SYNE1: variants seen among roughly 807,000 people sequenced by gnomAD.
SYNE1 encodes the protein nesprin-1.
SYNE1 carries 616 observed loss-of-function variants against 1,111.0 expected under a neutral mutation model. That is an observed-to-expected ratio of 0.55 (90% CI 0.52 to 0.59). The LOEUF (loss-of-function observed/expected upper bound fraction) is 0.59. Ranked by LOEUF, SYNE1 falls within the 20% of genes least tolerant of loss-of-function variation. The pLI, the probability that SYNE1 is intolerant of heterozygous loss-of-function variation, is 0.00. For synonymous variants in SYNE1, 3,855 were observed against 3,825.8 expected (o/e 1.01, Z -0.28); for missense variants, 10,006 against 10,417.0 (o/e 0.96, Z 1.72).
At position 152,141,218 on chromosome 6, in the gene SYNE1, C is replaced by T. The variant is rs371211999; in HGVS notation, c.25231G>A (p.Glu8411Lys). 6.8e-6 allele frequency: 11 copies of T among 1,613,258 alleles called. No individual in the cohort carries two copies. The highest frequency in any genetic ancestry group is 6.6e-5 in the South Asian group (6 of 91,078). ...ACGCACTCACCAGCCGTTTGGGTTT[C>T]GGTACTATGCAGGTTAACAAAGCCA... ...LPGFVNLHST[E>K]TQTAGVIDRW... The change falls in exon 139 of 146, where the codon GAA (glutamate) becomes AAA (lysine). Residue 8411 changes from glutamate (E) to lysine (K), a missense_variant. By Grantham distance (56) the Glu-to-Lys change is moderately conservative. This residue lies in a region of SYNE1 where 761 missense variants were observed against 795.5 expected (regional missense o/e 0.96). Transcript: ENST00000367255.
chr6:152,147,697 T>C (rs1488176128), intron 137 of SYNE1: 1 of 314,014 alleles, frequency 3.2e-6, no homozygotes, highest in Admixed American at 4.7e-5. Context: ...CCCCTGCTTG[T>C]GTGTCCTGCC....
intron 144 of SYNE1, among the ~76,000 whole-genome samples, chr6:152,131,869 A>G (rs1445355717): frequency 6.6e-6 from 1 of 152,230 alleles, no homozygotes; most frequent in Non-Finnish European, 1.5e-5. Flanking sequence ...TATTTGAGCA[A>G]GAAAAATAAA....
In SYNE1 at chr6:152,149,677, T is replaced by A. The variant is rs764491627; in HGVS notation, c.24451-9A>T. ...ATTTCCTGCTGGAAGGCCTAGGGAG[T>A]ACAAATCTCATGTGATTTTGCTATT... On this transcript the variant is annotated splice_polypyrimidine_tract_variant and intron_variant, in intron 135 of 145. Coordinates refer to ENST00000367255, the MANE Select transcript of SYNE1 (RefSeq NM_182961.4). The A allele has an allele frequency of 6.2e-7, 1 of 1,612,530 alleles. No individual in the cohort carries two copies. Among genetic ancestry groups the A allele is most frequent in the South Asian group, 1.1e-5 (1 of 91,064 alleles).
At position 152,455,898 on chromosome 6, in the gene SYNE1, A is replaced by T. The variant is rs376628472; in HGVS notation, c.2715T>A (p.His905Gln). The part of the protein sequence containing the change: ...TRLQRQIADI[H>Q]VAFQSMVKKT... ...GAGAGCAAATTACCTGAAAAGCAACATGAATATCTGCAATCTGTCTTTGTA... is the reference window on the plus strand; with the variant it reads ...GAGAGCAAATTACCTGAAAAGCAACTTGAATATCTGCAATCTGTCTTTGTA... Residue 905 changes from histidine to glutamine, a missense_variant, in exon 23 of 146, where the codon CAT becomes CAA. By Grantham distance (24) the His-to-Gln change is conservative. Coordinates refer to ENST00000367255, the MANE Select transcript of SYNE1 (RefSeq NM_182961.4). 7 of 1,613,946 alleles carry T rather than the reference A, an allele frequency of 4.3e-6. No homozygotes were observed. Among genetic ancestry groups the T allele is most frequent in the Non-Finnish European group, 5.9e-6 (7 of 1,179,968 alleles).
intron 119 of SYNE1, 107 bp from the exon 120 acceptor site, chr6:152,219,292 C>A: frequency 9.1e-7 from 1 of 1,099,294 alleles, no homozygotes; most frequent in Non-Finnish European, 1.4e-6. Context: ...TCCTACGGAT[C>A]ATATTATTAG....
At chr6:152,459,478 C>G (rs1417520828) in intron 21 of SYNE1, among the ~76,000 whole-genome samples, 1 of 152,182 alleles carries the variant, frequency 6.6e-6, no homozygotes, top group Non-Finnish European at 1.5e-5. Context: ...CCCTGCTTAT[C>G]AACATCCTAC....
intron 6 of SYNE1, among the ~76,000 whole-genome samples, chr6:152,516,801 A>G (rs1003683762): frequency 6.6e-6 from 1 of 151,976 alleles, no homozygotes; most frequent in Non-Finnish European, 1.5e-5. Context: ...GCCCAGGCTG[A>G]TCTCAAACTC....
At chr6:152,356,978 C>T (rs1590966570) in intron 66 of SYNE1, among the ~76,000 whole-genome samples, 2 of 152,098 alleles carry the variant, frequency 1.3e-5, no homozygotes, top group African/African-American at 2.4e-5. Flanking sequence ...TAGTGTAGAA[C>T]TAAGAAGGGT....
chr6:152,293,234 T>C (rs927052266), intron 95 of SYNE1, among the ~76,000 whole-genome samples: 1 of 152,206 alleles, frequency 6.6e-6, no homozygotes, highest in African/African-American at 2.4e-5. Context: ...GGAGTATATT[T>C]TATTCTTACA....
At chr6:152,280,504 TTC>T (rs1214445582) in intron 97 of SYNE1, among the ~76,000 whole-genome samples, 1 of 152,176 alleles carries the variant, frequency 6.6e-6, no homozygotes, top group Non-Finnish European at 1.5e-5. Flanking sequence ...ACAATTCTTC[TTC>T]TTCCAATGTG....
intron 50 of SYNE1, among the ~76,000 whole-genome samples, chr6:152,396,560 GT>G: frequency 6.6e-6 from 1 of 152,040 alleles, no homozygotes; most frequent in Admixed American, 6.6e-5. Flanking sequence ...AGTAAATATA[GT>G]TTGTTTTCTC....
chr6:152,185,255 C>T (rs573670433), intron 128 of SYNE1: 54 of 152,338 alleles, frequency 3.5e-4, no homozygotes, highest in African/African-American at 1.2e-3. Flanking sequence ...ATTAACTCTG[C>T]CCTGCAATGT....
At chr6:152,461,236 T>C (rs2098732317) in intron 21 of SYNE1, among the ~76,000 whole-genome samples, 1 of 152,028 alleles carries the variant, frequency 6.6e-6, no homozygotes, top group Admixed American at 6.6e-5. Flanking sequence ...ATCAAACAAA[T>C]CTTAACCAAT....
intron 91 of SYNE1, chr6:152,302,290 G>C: frequency 1.6e-6 from 1 of 619,596 alleles, no homozygotes; most frequent in Non-Finnish European, 2.9e-6. Flanking sequence ...GCGTCCCCGC[G>C]TCGGTACAAA....
At chr6:152,325,558 T>A (rs9479294) in intron 80 of SYNE1, among the ~76,000 whole-genome samples, 1 of 151,932 alleles carries the variant, frequency 6.6e-6, no homozygotes, top group Non-Finnish European at 1.5e-5. Flanking sequence ...TGAGATGACA[T>A]TTTTTTCATT....
chr6:152,441,983 G>A (rs1163337038), intron 31 of SYNE1, 92 bp downstream of exon 31: 2 of 1,448,822 alleles, frequency 1.4e-6, no homozygotes, highest in East Asian at 4.5e-5. Context: ...ATCAGAGGCG[G>A]TAACAAAGGT....
chr6:152,350,827 C>A (rs1015864445), intron 70 of SYNE1, 57 bp from the exon 71 acceptor site: 25 of 1,599,962 alleles, frequency 1.6e-5, no homozygotes, highest in African/African-American at 2.7e-5. Flanking sequence ...AAGATGAATA[C>A]ATACATATTC....
intron 3 of SYNE1, among the ~76,000 whole-genome samples, chr6:152,620,139 CATT>C (rs34393761): frequency 0.43 from 65,282 of 151,692 alleles, 15,676 homozygotes; most frequent in East Asian, 0.62. Context: ...AAATTAACAA[CATT>C]AACACAGTTG....
At position 152,453,735 on chromosome 6, in the gene SYNE1, G is replaced by A. The variant is rs777805744; in HGVS notation, c.2893-15C>T. ...CTGAAAAACTCCTGACATGGAAGGG[G>A]AAAGTGGGTAAGAGTGTTGGACAGA... On this transcript the variant is annotated splice_polypyrimidine_tract_variant and intron_variant, in intron 24 of 145. Coordinates refer to ENST00000367255, the MANE Select transcript of SYNE1 (RefSeq NM_182961.4). 1 of 1,614,098 alleles carries A rather than the reference G, an allele frequency of 6.2e-7. No homozygotes were observed. Among genetic ancestry groups the A allele is most frequent in the Admixed American group, 1.7e-5 (1 of 60,022 alleles).
Sources: gnomAD v4.1 joint callset for allele counts (sites outside exome capture counted in the v4.1 genomes callset) on GRCh38, gnomAD v4.1.1 for gene constraint, gnomAD v4.1.1 regional missense constraint, MANE v1.5 for transcripts, NCBI Gene and HGNC (gene_info 2026-07-23, HGNC 2026-07-21) for gene names.